Variants in ARFIP1 observed in about 807,000 individuals in gnomAD.
The protein encoded by ARFIP1 is ARF interacting protein 1.
In ARFIP1, 24 loss-of-function variants were observed where a neutral mutation model predicts 42.5. The observed-to-expected ratio is 0.57, with a 90% CI of 0.41 to 0.80. ARFIP1 has a LOEUF of 0.80. ARFIP1 is among the 30% of genes least tolerant of loss of function. The pLI, the probability that ARFIP1 is intolerant of heterozygous loss-of-function variation, is 0.00. For missense variants in ARFIP1, 354 were observed against 434.0 expected (o/e 0.82, Z 1.64); for synonymous variants, 141 against 153.7 (o/e 0.92, Z 0.61).
intron 5 of ARFIP1, among the ~76,000 whole-genome samples, chr4:152,872,822 T>A (rs1356430969): frequency 6.6e-6 from 1 of 152,226 alleles, no homozygotes; most frequent in East Asian, 1.9e-4. Flanking sequence ...AGACATGTAC[T>A]GCTTTGGAAT....
At chr4:152,846,554 A>G (rs543264213) in intron 2 of ARFIP1, among the ~76,000 whole-genome samples, 9 of 152,272 alleles carry the variant, frequency 5.9e-5, no homozygotes, top group South Asian at 4.1e-4. Flanking sequence ...GTTTACCTCA[A>G]TTTTGGCTTA....
intron 8 of ARFIP1, among the ~76,000 whole-genome samples, chr4:152,905,542 A>ATTTTTTTTTTTTT (rs1391678382): frequency 5.2e-4 from 24 of 45,966 alleles, no homozygotes; most frequent in East Asian, 1.4e-3. Flanking sequence ...AATTGTAAGA[A>ATTTTTTTTTTTTT]TTGTTTTTTT....
intron 1 of ARFIP1, among the ~76,000 whole-genome samples, chr4:152,790,721 T>C (rs1424666819): frequency 6.6e-6 from 1 of 150,930 alleles, no homozygotes; most frequent in African/African-American, 2.4e-5. Flanking sequence ...TAGACTGATG[T>C]GTTTATCTTT....
chr4:152,853,219 G>A (rs932643464), intron 2 of ARFIP1, among the ~76,000 whole-genome samples: 8 of 152,098 alleles, frequency 5.3e-5, no homozygotes, highest in African/African-American at 1.7e-4. Context: ...TATTGGTGCC[G>A]TTTGAGTCTT....
intron 1 of ARFIP1, among the ~76,000 whole-genome samples, chr4:152,786,152 A>G (rs1730792077): frequency 6.6e-6 from 1 of 152,186 alleles, no homozygotes; most frequent in African/African-American, 2.4e-5. Context: ...TTTCTTGGAT[A>G]TTTGGGGATT....
intron 2 of ARFIP1, among the ~76,000 whole-genome samples, chr4:152,855,579 C>T (rs575339734): frequency 4.1e-4 from 63 of 152,328 alleles, no homozygotes; most frequent in African/African-American, 1.2e-3. Context: ...GCCTGCAGCC[C>T]ATGCTTCTCT....
At chr4:152,865,457 T>C (rs977789817) in intron 3 of ARFIP1, among the ~76,000 whole-genome samples, 1 of 152,170 alleles carries the variant, frequency 6.6e-6, no homozygotes, top group African/African-American at 2.4e-5. Context: ...TTTTTTATTG[T>C]ACAGTTGGCC....
At chr4:152,818,085 A>G (rs1418101327) in intron 1 of ARFIP1, among the ~76,000 whole-genome samples, 1 of 152,246 alleles carries the variant, frequency 6.6e-6, no homozygotes, top group African/African-American at 2.4e-5. Flanking sequence ...TTTTTCCCCA[A>G]GATGGCAGAC....
chr4:152,845,867 A>G (rs945761260), intron 2 of ARFIP1, among the ~76,000 whole-genome samples: 1 of 152,194 alleles, frequency 6.6e-6, no homozygotes, highest in East Asian at 1.9e-4. Flanking sequence ...AAAATAAATC[A>G]TTCTACCAAA....
chr4:152,904,214 C>T (rs1424883112), intron 8 of ARFIP1, among the ~76,000 whole-genome samples: 34 of 105,134 alleles, frequency 3.2e-4, no homozygotes, highest in East Asian at 1.2e-3. Flanking sequence ...TTTTTTTTAA[C>T]GGAGTCTCGC....
chr4:152,876,978 T>C (rs978430201), intron 5 of ARFIP1, among the ~76,000 whole-genome samples: 4 of 152,206 alleles, frequency 2.6e-5, no homozygotes, highest in Non-Finnish European at 4.4e-5. Flanking sequence ...AGAAGAGATA[T>C]GGAAATGCCT....
At chr4:152,787,828 A>T (rs1394358848) in intron 1 of ARFIP1, among the ~76,000 whole-genome samples, 1 of 152,250 alleles carries the variant, frequency 6.6e-6, no homozygotes, top group African/African-American at 2.4e-5. Context: ...CAAATGCCAA[A>T]AAAATCTGAA....
chr4:152,793,562 C>G (rs1309985969), intron 1 of ARFIP1, among the ~76,000 whole-genome samples: 1 of 151,788 alleles, frequency 6.6e-6, no homozygotes, highest in Non-Finnish European at 1.5e-5. Context: ...TACATACATA[C>G]CTATGATAAA....
intron 1 of ARFIP1, among the ~76,000 whole-genome samples, chr4:152,817,328 G>A (rs558129389): frequency 9.2e-5 from 14 of 152,192 alleles, no homozygotes; most frequent in African/African-American, 3.4e-4. Context: ...AGGAAAATAG[G>A]TATTTCAAAA....
intron 1 of ARFIP1, among the ~76,000 whole-genome samples, chr4:152,780,840 A>C (rs944925597): frequency 6.6e-6 from 1 of 152,186 alleles, no homozygotes; most frequent in Non-Finnish European, 1.5e-5. Flanking sequence ...TTTTTTAAAA[A>C]CAGTTTTTAG....
rs151316492 is a variant in ARFIP1, at chr4:152,888,942, A to G, written c.966+635A>G. 8.5e-5 allele frequency among the ~76,000 whole-genome samples: 13 copies of G among 152,280 alleles called. No homozygotes were observed. The East Asian group carries it at 2.3e-3, about 27-fold the overall frequency. On this transcript the variant is annotated intron_variant, in intron 8 of 8. Coordinates refer to ENST00000353617, the MANE Select transcript of ARFIP1 (RefSeq NM_001025595.3). ...TGTTTGACATATCTCTATTACTTGC[A>G]TATTCAGCTTTGTATGCAGGATTGC...
intron 2 of ARFIP1, among the ~76,000 whole-genome samples, chr4:152,840,876 C>T (rs12641680): frequency 0.31 from 46,028 of 150,230 alleles, 8,552 homozygotes; most frequent in East Asian, 0.48. Context: ...CCCACCACCA[C>T]GCCCAGCTAT....
At chr4:152,877,261 A>G (rs1378988289) in intron 5 of ARFIP1, among the ~76,000 whole-genome samples, 1 of 152,200 alleles carries the variant, frequency 6.6e-6, no homozygotes, top group Non-Finnish European at 1.5e-5. Flanking sequence ...GAAAAGGCAC[A>G]GGGGTGGAGC....
At chr4:152,874,049 G>C (rs1326540177) in intron 5 of ARFIP1, among the ~76,000 whole-genome samples, 2 of 152,128 alleles carry the variant, frequency 1.3e-5, no homozygotes, top group Non-Finnish European at 2.9e-5. Context: ...ACTAGACTGA[G>C]CAAGTTTAAG....
Sources: allele counts gnomAD v4.1 joint callset (sites outside exome capture counted in the v4.1 genomes callset), GRCh38; gene constraint gnomAD v4.1.1; transcripts MANE v1.5; gene names NCBI Gene and HGNC (gene_info 2026-07-23, HGNC 2026-07-21).